MYO7B: variants seen among roughly 807,000 people sequenced by gnomAD.
MYO7B encodes myosin VIIB.
In MYO7B, 212 loss-of-function variants were observed where a neutral mutation model predicts 259.7. The ratio of observed to expected loss-of-function variants is 0.82; its 90% CI spans 0.73 to 0.91. The LOEUF (loss-of-function observed/expected upper bound fraction) is 0.91. MYO7B is among the 40% of genes least tolerant of loss of function. The pLI is 0.00. For synonymous variants in MYO7B, 1,197 were observed against 1,166.4 expected (o/e 1.03, Z -0.54); for missense variants, 2,732 against 2,813.5 (o/e 0.97, Z 0.66).
rs201933709 is a variant in MYO7B at position 127,631,691 on chromosome 2, C to T, written c.5187C>T (p.His1729=). The part of the protein sequence containing the change: ...TDQIFTLALQ[H]PALQDEVYCQ... ...AGATCTTCACACTGGCCCTGCAGCA[C>T]CCGGCCCTCCAGGACGAGGTCTACT... is the stretch of plus-strand genomic sequence containing the variant. The change falls in exon 38 of 48, where the codon CAC becomes CAT. Residue 1729 remains histidine, a synonymous_variant. Coordinates refer to ENST00000409816, the MANE Select transcript of MYO7B (RefSeq NM_001393586.1). 2 of 1,613,044 alleles carry T rather than the reference C, an allele frequency of 1.2e-6. No individual in the cohort carries two copies. The highest frequency in any genetic ancestry group is 1.7e-6 in the Non-Finnish European group (2 of 1,179,862).
chr2:127,559,652 A>G lies in MYO7B; in HGVS notation c.-23-48A>G, dbSNP rs1255802624. 8 of 1,581,094 alleles carry G rather than the reference A, an allele frequency of 5.1e-6. No individual in the cohort carries two copies. The highest frequency in any genetic ancestry group is 7.0e-6 in the Non-Finnish European group (8 of 1,150,108). Reference sequence around the variant, plus strand: ...CAGCTCCTGTGCTCCAGGGGCTCCTATTGGGGCTGTGTATGGAGCTGACGT... The same window carrying G: ...CAGCTCCTGTGCTCCAGGGGCTCCTGTTGGGGCTGTGTATGGAGCTGACGT... On this transcript the variant is annotated intron_variant, in intron 1 of 47. Coordinates refer to ENST00000409816, the MANE Select transcript of MYO7B (RefSeq NM_001393586.1). The surrounding 1 kb of genome is among the most constrained non-coding windows in gnomAD (Gnocchi z 4.1).
intron 18 of MYO7B, among the ~76,000 whole-genome samples, chr2:127,594,854 G>A (rs766726862): frequency 3.9e-5 from 6 of 152,194 alleles, no homozygotes; most frequent in Non-Finnish European, 8.8e-5. Flanking sequence ...GCTTTTTGAT[G>A]TGCTGCTGTA....
chr2:127,618,551 G>A (rs372949136), intron 26 of MYO7B, among the ~76,000 whole-genome samples: 2 of 152,320 alleles, frequency 1.3e-5, no homozygotes, highest in South Asian at 2.1e-4. Context: ...CCTTCTGGGC[G>A]GCAGACGCAG....
chr2:127,542,088 C>T (rs1419900253), intron 1 of MYO7B, among the ~76,000 whole-genome samples: 1 of 152,248 alleles, frequency 6.6e-6, no homozygotes, highest in East Asian at 1.9e-4. Flanking sequence ...AGGAGCACTG[C>T]ATCTCTAGGC....
chr2:127,566,828 G>C lies in MYO7B; in HGVS notation c.470+1G>C. Reference sequence around the variant, plus strand: ...AGAGGGACCAGTGCTGCATCATCAGGTGAGGCAGAGGGGTCAGGCACCACC... The same window carrying C: ...AGAGGGACCAGTGCTGCATCATCAGCTGAGGCAGAGGGGTCAGGCACCACC... On this transcript the variant is annotated splice_donor_variant, in intron 5 of 47. Transcript: ENST00000409816. LOFTEE classifies it high-confidence loss of function. 6.2e-7 allele frequency: 1 copy of C among 1,607,220 alleles called. No homozygotes were observed. Among genetic ancestry groups the C allele is most frequent in the Non-Finnish European group, 8.5e-7 (1 of 1,178,882 alleles).
Position 127,609,572 on chromosome 2 carries a change from C to A in MYO7B, c.2881C>A (p.Pro961Thr), listed in dbSNP as rs373656443. ...DLDTVPMAEE[P>T]EEDVDGLAEY... ...GGACACAGTCCCCATGGCGGAGGAG[C>A]CTGAGGAGGATGTGGATGGCCTGGC... The change falls in exon 23 of 48, where the codon CCT becomes ACT. Residue 961 changes from proline (P) to threonine (T), a missense_variant. Transcript: ENST00000409816. This position sits in a 1 kb window ranked among gnomAD's most constrained non-coding sequence, Gnocchi z 6.9. 2 of 1,613,960 alleles carry A rather than the reference C, an allele frequency of 1.2e-6. No individual in the cohort carries two copies. The highest frequency in any genetic ancestry group is 1.7e-6 in the Non-Finnish European group (2 of 1,179,864).
chr2:127,634,967 C>T (rs563722535), intron 42 of MYO7B, 153 bp from the exon 43 acceptor site: 2 of 688,708 alleles, frequency 2.9e-6, no homozygotes, highest in African/African-American at 1.8e-5. Context: ...AGCCTCTACA[C>T]TAATATTGAA....
intron 16 of MYO7B, among the ~76,000 whole-genome samples, chr2:127,591,715 C>T (rs537654213): frequency 6.6e-6 from 1 of 152,286 alleles, no homozygotes; most frequent in South Asian, 2.1e-4. Flanking sequence ...AGGGCGTTCC[C>T]CAGGGTCCCT....
chr2:127,583,323 A>C (rs1679175421), intron 12 of MYO7B, among the ~76,000 whole-genome samples: 1 of 152,210 alleles, frequency 6.6e-6, no homozygotes, highest in Non-Finnish European at 1.5e-5. Flanking sequence ...AAGCCATTCC[A>C]CACGCAAGCA....
Position 127,632,110 on chromosome 2 carries a change from G to A in MYO7B, c.5250-136G>A, listed in dbSNP as rs1389063385. 2.4e-5 allele frequency: 25 copies of A among 1,056,554 alleles called. No homozygotes were observed. In the South Asian group the frequency reaches 4.2e-4, roughly 18 times the overall value. 65.4% of individuals were successfully genotyped at this position (1,056,554 alleles called of 1,614,324 possible). A position where few individuals can be genotyped will look rare whatever the true frequency, so the allele number is the denominator to read the frequency against. ...GGCAGCCTGGCACAGCTGGCATGGT[G>A]CAGCCTGGCAGGTGCCCTCCCCCTC... On this transcript the variant is annotated intron_variant, in intron 38 of 47. Transcript: ENST00000409816.
intron 1 of MYO7B, among the ~76,000 whole-genome samples, chr2:127,556,534 T>C (rs1693642060): frequency 6.6e-6 from 1 of 152,234 alleles, no homozygotes; most frequent in African/African-American, 2.4e-5. Context: ...TTCCAGGATT[T>C]GTTTCAAGAT....
At chr2:127,610,936 C>T (rs1450407630) in intron 24 of MYO7B, among the ~76,000 whole-genome samples, 2 of 152,262 alleles carry the variant, frequency 1.3e-5, no homozygotes. Flanking sequence ...AATTACCCCC[C>T]CCAAACCTAA....
rs774682802 is a variant in MYO7B at position 127,580,731 on chromosome 2, T to C, written c.1004-15T>C. The C allele has an allele frequency of 8.7e-6, 14 of 1,609,172 alleles. No homozygotes were observed. The highest frequency in any genetic ancestry group is 1.2e-5 in the Non-Finnish European group (14 of 1,177,814). On this transcript the variant is annotated splice_polypyrimidine_tract_variant and intron_variant, in intron 9 of 47. Coordinates refer to ENST00000409816, the MANE Select transcript of MYO7B (RefSeq NM_001393586.1). ...AGGCTGCTTTCCAACTCAGCATTCC[T>C]GCTTCTCTCTCTAGCTTCGGTCTTC... is the stretch of plus-strand genomic sequence containing the variant.
intron 14 of MYO7B, 34 bp from the exon 15 acceptor site, chr2:127,588,358 G>T: frequency 6.2e-7 from 1 of 1,608,020 alleles, no homozygotes. Flanking sequence ...TGATGGCTAA[G>T]CTGGGATGCT....
chr2:127,615,996 C>A lies in MYO7B; in HGVS notation c.3398+3393C>A, dbSNP rs183620191. 6.6e-6 allele frequency among the ~76,000 whole-genome samples: 1 copy of A among 152,208 alleles called. No individual in the cohort carries two copies. The highest frequency in any genetic ancestry group is 1.9e-4 in the East Asian group (1 of 5,206). ...TCCTGTGAAAACACAAGCATACCCT[C>A]GTTCCCACAATAGTAAATCTCCTGA... On this transcript the variant is annotated intron_variant, in intron 26 of 47. Transcript: ENST00000409816. This position sits in a 1 kb window ranked among gnomAD's most constrained non-coding sequence, Gnocchi z 4.4.
intron 36 of MYO7B, 89 bp downstream of exon 36, chr2:127,630,997 A>G: frequency 7.2e-7 from 1 of 1,388,016 alleles, no homozygotes; most frequent in South Asian, 1.4e-5. Flanking sequence ...GCCCCGCTCC[A>G]CCTCATTGCA....
chr2:127,578,780 C>T (rs755137169), intron 9 of MYO7B, among the ~76,000 whole-genome samples: 15 of 151,980 alleles, frequency 9.9e-5, no homozygotes, highest in Admixed American at 5.2e-4. Context: ...GAAATAGGAA[C>T]AAGGAAATGA....
intron 2 of MYO7B, among the ~76,000 whole-genome samples, chr2:127,560,018 T>C (rs987547743): frequency 7.4e-6 from 1 of 134,432 alleles, no homozygotes; most frequent in African/African-American, 2.8e-5. Context: ...TTCTTTTCTT[T>C]TCTTTTCTTT....
Position 127,628,086 on chromosome 2 carries a change from T to C in MYO7B, c.4461-286T>C, listed in dbSNP as rs768612387. 4 of 603,322 alleles carry C rather than the reference T, an allele frequency of 6.6e-6. No individual in the cohort carries two copies. Among genetic ancestry groups the C allele is most frequent in the South Asian group, 3.0e-5 (2 of 65,900 alleles). 37.4% of individuals were successfully genotyped at this position (603,322 alleles called of 1,614,324 possible). A position where few individuals can be genotyped will look rare whatever the true frequency, so the allele number is the denominator to read the frequency against. On this transcript the variant is annotated intron_variant, in intron 33 of 47. Transcript: ENST00000409816. The surrounding 1 kb of genome is among the most constrained non-coding windows in gnomAD (Gnocchi z 4.8). ...CGGCAGCTCATCTCAGCTCTGACCT[T>C]TGCAGTGTCCCTGCGGTGTCACTGC...
Sources: gnomAD v4.1 joint callset for allele counts (sites outside exome capture counted in the v4.1 genomes callset) on GRCh38, gnomAD v4.1.1 for gene constraint, Gnocchi (gnomAD v3.1) non-coding constraint, MANE v1.5 for transcripts, NCBI Gene and HGNC (gene_info 2026-07-23, HGNC 2026-07-21) for gene names.